The following TMEM39B variants were observed in gnomAD, a reference collection of about 807,000 sequenced individuals.
TMEM39B encodes transmembrane protein 39B.
A neutral mutation model predicts 52.2 loss-of-function variants in TMEM39B; 23 were observed. That is an observed-to-expected ratio of 0.44 (90% CI 0.32 to 0.62). The LOEUF is 0.62. Ranked by LOEUF, TMEM39B falls within the 20% of genes least tolerant of loss-of-function variation. The probability of loss-of-function intolerance (pLI) is 0.06; values close to 1 mark genes in which losing one functional copy is unlikely to be tolerated. For missense variants in TMEM39B, 547 were observed against 642.0 expected (o/e 0.85, Z 1.60); for synonymous variants, 285 against 264.0 (o/e 1.08, Z -0.77).
intron 5 of TMEM39B, among the ~76,000 whole-genome samples, chr1:32,079,918 C>G (rs1019540796): frequency 2.0e-5 from 3 of 152,032 alleles, no homozygotes; most frequent in Non-Finnish European, 4.4e-5. Context: ...TACAGGCATG[C>G]TCCACCAAGC....
At chr1:32,077,127 C>T (rs1333446304) in intron 4 of TMEM39B, 37 bp from the exon 5 acceptor site, 2 of 1,610,868 alleles carry the variant, frequency 1.2e-6, no homozygotes, top group Non-Finnish European at 1.7e-6. Flanking sequence ...CGGCCTCCAT[C>T]CAAGGCCCCA....
chr1:32,073,271 C>T (rs1424525879), intron 1 of TMEM39B: 3 of 572,462 alleles, frequency 5.2e-6, no homozygotes, highest in African/African-American at 2.0e-5. Flanking sequence ...TAAGACGAAG[C>T]CCTGTGGGGG....
chr1:32,072,823 G>C (rs895459996), upstream of TMEM39B: 2 of 551,648 alleles, frequency 3.6e-6, no homozygotes, highest in Non-Finnish European at 6.3e-6. Flanking sequence ...GTGGGGGACC[G>C]AGAGACAAAG....
rs774948475 is a variant in TMEM39B, at chr1:32,091,693, G to A, written c.609G>A (p.Pro203=). 15 of 1,606,348 alleles carry A rather than the reference G, an allele frequency of 9.3e-6. No individual in the cohort carries two copies. The highest frequency in any genetic ancestry group is 2.7e-5 in the African/African-American group (2 of 74,850). ...FLCYPFGMYI[P]FLQLNCDLRK... ...CCAGCAGGTTTGGGATGTACATTCC[G>A]TTCCTGCAGCTGAATTGCGACCTCC... is the stretch of plus-strand genomic sequence containing the variant. The change falls in exon 6 of 9, where the codon CCG becomes CCA. Residue 203 remains proline, a synonymous_variant. Transcript: ENST00000336294.
chr1:32,075,924 C>T lies in TMEM39B; in HGVS notation c.351+102C>T, dbSNP rs1157811352. ...TTTCAGTTTAGCATATCCTACTAAG[C>T]ACCACTGTGCACTTGGCTCCATGCT... On this transcript the variant is annotated intron_variant, in intron 3 of 8. Transcript: ENST00000336294. 1.6e-5 allele frequency: 12 copies of T among 746,414 alleles called. No individual in the cohort carries two copies. In the Admixed American group the frequency reaches 3.1e-4, roughly 19 times the overall value. The allele number at this position is 746,414 out of a possible 1,614,324, so 46.2% of individuals were successfully genotyped here.
In TMEM39B at chr1:32,100,111, A is replaced by G. The variant is rs191240562; in HGVS notation, c.1116-331A>G. Among the ~76,000 whole-genome samples, 175 of 152,228 alleles carry G rather than the reference A, an allele frequency of 1.1e-3. 1 individual carries two copies. The highest frequency in any genetic ancestry group is 1.8e-3 in the Non-Finnish European group (122 of 68,006). ...GTCAGGCTGAGCTTAGTATTTTACA[A>G]AGACCACTCAGACAACTGTGTGGTG... On this transcript the variant is annotated intron_variant, in intron 7 of 8. Transcript: ENST00000336294.
chr1:32,073,924 T>A (rs753594436), intron 1 of TMEM39B: 132 of 976,346 alleles, frequency 1.4e-4, no homozygotes, highest in Non-Finnish European at 1.6e-4. Context: ...GTATATATAT[T>A]TTTTAATAGA....
At chr1:32,098,819 T>A (rs1285542610) in intron 7 of TMEM39B, among the ~76,000 whole-genome samples, 1 of 152,172 alleles carries the variant, frequency 6.6e-6, no homozygotes, top group Non-Finnish European at 1.5e-5. Context: ...CCTTGCGGCA[T>A]GCTCTGAGGA....
At chr1:32,077,123 C>A (rs776531170) in intron 4 of TMEM39B, 41 bp from the exon 5 acceptor site, 1 of 1,609,166 alleles carries the variant, frequency 6.2e-7, no homozygotes, top group South Asian at 1.1e-5. Context: ...CCTTCGGCCT[C>A]CATCCAAGGC....
intron 7 of TMEM39B, among the ~76,000 whole-genome samples, chr1:32,097,417 G>A (rs1358619707): frequency 3.3e-5 from 5 of 149,852 alleles, no homozygotes; most frequent in Admixed American, 1.3e-4. Flanking sequence ...TGCAATTTCC[G>A]CCTCCCAGGT....
chr1:32,080,141 G>A (rs1473441631), intron 5 of TMEM39B, among the ~76,000 whole-genome samples: 1 of 151,896 alleles, frequency 6.6e-6, no homozygotes, highest in Non-Finnish European at 1.5e-5. Flanking sequence ...GCCCACCTTG[G>A]TCTCCCAAAG....
rs1640626452 is a variant in TMEM39B, at chr1:32,091,962, C to T, written c.878C>T (p.Ser293Phe). Residue 293 changes from serine to phenylalanine, a missense_variant, in exon 6 of 9, where the codon TCC becomes TTC. Ser to Phe is a radical substitution (Grantham distance 155). Coordinates refer to ENST00000336294, the MANE Select transcript of TMEM39B (RefSeq NM_018056.4). Reference protein sequence around the residue: ...NWRMKEVLVSSMLSAYYVAFV... With the variant: ...NWRMKEVLVSFMLSAYYVAFV... Reference sequence around the variant, plus strand: ...CGCATGAAGGAAGTGCTCGTCAGCTCCATGCTGAGCGCCTACTATGTGGCC... The same window carrying T: ...CGCATGAAGGAAGTGCTCGTCAGCTTCATGCTGAGCGCCTACTATGTGGCC... The T allele has an allele frequency of 1.2e-6, 2 of 1,614,072 alleles. No individual in the cohort carries two copies. Among genetic ancestry groups the T allele is most frequent in the Non-Finnish European group, 1.7e-6 (2 of 1,180,042 alleles).
chr1:32,077,357 T>TG, intron 5 of TMEM39B, 39 bp downstream of exon 5: 1 of 1,612,052 alleles, frequency 6.2e-7, no homozygotes, highest in Non-Finnish European at 8.5e-7. Context: ...GCCCAGCACC[T>TG]GGCCCCTGAC....
intron 5 of TMEM39B, among the ~76,000 whole-genome samples, chr1:32,083,943 C>T (rs1003302443): frequency 2.0e-5 from 3 of 150,986 alleles, no homozygotes; most frequent in African/African-American, 7.4e-5. Flanking sequence ...TGAGATTGTT[C>T]CACTGCACTC....
At chr1:32,092,232 C>T (rs962079209) in intron 6 of TMEM39B, among the ~76,000 whole-genome samples, 1 of 152,174 alleles carries the variant, frequency 6.6e-6, no homozygotes, top group African/African-American at 2.4e-5. Flanking sequence ...TCATGGGTCA[C>T]TGCAGCCTCA....
intron 1 of TMEM39B, among the ~76,000 whole-genome samples, chr1:32,074,252 C>T (rs1569850274): frequency 2.0e-5 from 3 of 152,136 alleles, no homozygotes; most frequent in Admixed American, 2.0e-4. Flanking sequence ...TGAGCTGAAT[C>T]ATGGGGCCCT....
intron 5 of TMEM39B, among the ~76,000 whole-genome samples, chr1:32,082,019 C>T (rs1021224020): frequency 3.9e-5 from 6 of 152,116 alleles, no homozygotes; most frequent in African/African-American, 1.4e-4. Context: ...GCTCACGATC[C>T]CATCCTTACT....
intron 7 of TMEM39B, among the ~76,000 whole-genome samples, chr1:32,098,548 C>T (rs529742083): frequency 3.0e-4 from 45 of 151,818 alleles, no homozygotes; most frequent in African/African-American, 1.0e-3. Context: ...CTGGCTAACA[C>T]GGTGAAACCC....
chr1:32,102,641 C>A lies in TMEM39B; in HGVS notation c.1447C>A (p.Pro483Thr), dbSNP rs1641062073. The change falls in exon 9 of 9, where the codon CCC (proline) becomes ACC (threonine). Residue 483 changes from proline to threonine, a missense_variant. Coordinates refer to ENST00000336294, the MANE Select transcript of TMEM39B (RefSeq NM_018056.4). ...CAAGGCCTACTCATACTCTGCTAGC[C>A]CCCAGAGAGACCTGGACCACCGTTT... ...LGKAYSYSAS[P>T]QRDLDHRFS 1 of 1,601,414 alleles carries A rather than the reference C, an allele frequency of 6.2e-7. No homozygotes were observed. The highest frequency in any genetic ancestry group is 8.5e-7 in the Non-Finnish European group (1 of 1,172,724).
Sources: allele counts gnomAD v4.1 joint callset (sites outside exome capture counted in the v4.1 genomes callset), GRCh38; gene constraint gnomAD v4.1.1; transcripts MANE v1.5; gene names NCBI Gene and HGNC (gene_info 2026-07-23, HGNC 2026-07-21).